RHOBTB1: variants seen among roughly 807,000 people sequenced by gnomAD.
RHOBTB1 encodes Rho related BTB domain containing 1.
A neutral mutation model predicts 71.6 loss-of-function variants in RHOBTB1; 40 were observed. The ratio of observed to expected loss-of-function variants is 0.56; its 90% CI spans 0.43 to 0.73. The LOEUF (loss-of-function observed/expected upper bound fraction) is 0.73. Among genes scored for constraint, RHOBTB1 ranks in the 30% least tolerant of loss-of-function variants. The pLI, the probability that RHOBTB1 is intolerant of heterozygous loss-of-function variation, is 0.00. For synonymous variants in RHOBTB1, 319 were observed against 334.9 expected (o/e 0.95, Z 0.52); for missense variants, 797 against 894.0 (o/e 0.89, Z 1.38).
Position 60,910,953 on chromosome 10 carries a change from C to T in RHOBTB1, c.230G>A (p.Ser77Asn). 6.2e-7 allele frequency: 1 copy of T among 1,614,154 alleles called. No individual in the cohort carries two copies. Among genetic ancestry groups the T allele is most frequent in the Non-Finnish European group, 8.5e-7 (1 of 1,180,026 alleles). ...ERSRDVVDEV[S>N]VSLRLWDTFG... Reference sequence around the variant, plus strand: ...AGTATCCCAAAGCCTGAGAGAAACACTCACTTCATCAACAACATCCCGAGA... The same window carrying T: ...AGTATCCCAAAGCCTGAGAGAAACATTCACTTCATCAACAACATCCCGAGA... Residue 77 changes from serine to asparagine, a missense_variant, in exon 4 of 11, where the codon AGT becomes AAT. Ser to Asn is a conservative substitution (Grantham distance 46). This residue lies in a region of RHOBTB1 where 139 missense variants were observed against 212.5 expected (regional missense o/e 0.65). Coordinates refer to ENST00000337910, the MANE Select transcript of RHOBTB1 (RefSeq NM_014836.5).
At chr10:60,931,349 C>T (rs753287018) in intron 2 of RHOBTB1, among the ~76,000 whole-genome samples, 7 of 152,174 alleles carry the variant, frequency 4.6e-5, no homozygotes, top group Non-Finnish European at 8.8e-5. Context: ...TTCTCGTTCT[C>T]CCCAGCTCTG....
chr10:60,989,052 AT>A (rs927878321), intron 1 of RHOBTB1, among the ~76,000 whole-genome samples: 2 of 152,186 alleles, frequency 1.3e-5, no homozygotes, highest in African/African-American at 2.4e-5. Flanking sequence ...AGATTAAAGG[AT>A]TTTTTTCAGT....
chr10:60,897,116 C>T (rs1564853763), intron 4 of RHOBTB1, among the ~76,000 whole-genome samples: 1 of 151,838 alleles, frequency 6.6e-6, no homozygotes, highest in Non-Finnish European at 1.5e-5. Flanking sequence ...AAAAAAAATC[C>T]AAAAAAAGTG....
At chr10:60,907,143 C>T (rs1393670835) in intron 4 of RHOBTB1, among the ~76,000 whole-genome samples, 5 of 152,308 alleles carry the variant, frequency 3.3e-5, no homozygotes, top group South Asian at 2.1e-4. Context: ...CCCAGCCACA[C>T]GGAACTGTGA....
chr10:60,934,719 G>A (rs1446947839), intron 2 of RHOBTB1, among the ~76,000 whole-genome samples: 1 of 152,166 alleles, frequency 6.6e-6, no homozygotes, highest in African/African-American at 2.4e-5. Flanking sequence ...TGTCCACTGT[G>A]TCTATTATTC....
chr10:60,941,222 T>TA (rs2134192492), intron 2 of RHOBTB1, among the ~76,000 whole-genome samples: 1 of 152,302 alleles, frequency 6.6e-6, no homozygotes, highest in Non-Finnish European at 1.5e-5. Context: ...AAAAACTTTT[T>TA]AAAAAATCCT....
chr10:60,934,402 C>G (rs1241835177), intron 2 of RHOBTB1, among the ~76,000 whole-genome samples: 1 of 152,144 alleles, frequency 6.6e-6, no homozygotes, highest in African/African-American at 2.4e-5. Flanking sequence ...ACCTACATAG[C>G]CCCTCAGCAT....
chr10:60,877,793 A>C, intron 8 of RHOBTB1, 115 bp downstream of exon 8: 1 of 954,660 alleles, frequency 1.0e-6, no homozygotes, highest in Non-Finnish European at 1.6e-6. Context: ...TACACAAGAC[A>C]GTCCTATTTT....
chr10:60,963,833 G>A (rs1565147874), intron 2 of RHOBTB1, among the ~76,000 whole-genome samples: 1 of 152,054 alleles, frequency 6.6e-6, no homozygotes. Flanking sequence ...CATTACCAAC[G>A]ATAGCATCTA....
At chr10:60,936,576 T>C (rs1236509554) in intron 2 of RHOBTB1, among the ~76,000 whole-genome samples, 1 of 152,226 alleles carries the variant, frequency 6.6e-6, no homozygotes, top group African/African-American at 2.4e-5. Context: ...TTATGGCCTA[T>C]TAAGCATGAA....
intron 4 of RHOBTB1, among the ~76,000 whole-genome samples, chr10:60,897,182 A>G (rs1401865506): frequency 2.0e-5 from 3 of 152,170 alleles, no homozygotes; most frequent in Non-Finnish European, 2.9e-5. Context: ...AATACCACAC[A>G]TGTTCTCAGA....
chr10:60,861,328 T>C, the RHOBTB1 span, among the ~76,000 whole-genome samples: 1 of 152,188 alleles, frequency 6.6e-6, no homozygotes, highest in Non-Finnish European at 1.5e-5. Flanking sequence ...AAATGGAATT[T>C]CTCTAGGGCC....
intron 2 of RHOBTB1, among the ~76,000 whole-genome samples, chr10:60,957,554 G>A (rs563186760): frequency 3.9e-5 from 6 of 152,126 alleles, no homozygotes; most frequent in African/African-American, 1.4e-4. Context: ...AAGCCTTACG[G>A]TCAATACAAA....
In RHOBTB1 at chr10:60,886,098, A is replaced by G. The variant is rs776388326; in HGVS notation, c.1575+14T>C. The G allele has an allele frequency of 3.2e-6, 5 of 1,580,328 alleles. No homozygotes were observed. The East Asian group carries it at 1.1e-4, about 35-fold the overall frequency. ...TTCATAAAGACACCACTATGCTTTT[A>G]GGAAGGCACGTACCTCACTGTTGGC... On this transcript the variant is annotated intron_variant, in intron 7 of 10. Coordinates refer to ENST00000337910, the MANE Select transcript of RHOBTB1 (RefSeq NM_014836.5).
chr10:60,956,661 C>CTT (rs770963951), intron 2 of RHOBTB1, among the ~76,000 whole-genome samples: 1 of 144,082 alleles, frequency 6.9e-6, no homozygotes. Context: ...ACTTTTTAGA[C>CTT]TTTTTTTTTT....
At chr10:60,921,915 G>A (rs936840869) in intron 2 of RHOBTB1, among the ~76,000 whole-genome samples, 1 of 152,142 alleles carries the variant, frequency 6.6e-6, no homozygotes, top group African/African-American at 2.4e-5. Context: ...AGTAACCATG[G>A]GAGCCACCAG....
At position 60,877,993 on chromosome 10, in the gene RHOBTB1, C is replaced by T. The variant is rs769920099; in HGVS notation, c.1641G>A (p.Gln547=). 2.0e-5 allele frequency: 32 copies of T among 1,613,404 alleles called. No individual in the cohort carries two copies. The Admixed American group carries it at 2.7e-4, about 13-fold the overall frequency. The change falls in exon 8 of 11, where the codon CAG becomes CAA. Residue 547 remains glutamine, a synonymous_variant. Transcript: ENST00000337910. ...GGTCCAGATCCAAGTTAGGAGACAA[C>T]TGCTTGGTATAGAGATAATCCAATA... ...QAVLDYLYTK[Q]LSPNLDLDPL... is the part of the protein sequence containing the mutation.
At chr10:60,900,432 C>T (rs1428397710) in intron 4 of RHOBTB1, among the ~76,000 whole-genome samples, 3 of 152,214 alleles carry the variant, frequency 2.0e-5, no homozygotes, top group South Asian at 2.1e-4. Context: ...TAAGCTTTTT[C>T]GTGAGCTATT....
upstream of RHOBTB1, among the ~76,000 whole-genome samples, chr10:60,948,731 A>G (rs1191309127): frequency 6.6e-6 from 1 of 152,234 alleles, no homozygotes; most frequent in Non-Finnish European, 1.5e-5. Context: ...AGTGTTTGGT[A>G]GAAAGGTATA....
Sources: gnomAD v4.1 joint callset for allele counts (sites outside exome capture counted in the v4.1 genomes callset) on GRCh38, gnomAD v4.1.1 for gene constraint, gnomAD v4.1.1 regional missense constraint, MANE v1.5 for transcripts, NCBI Gene and HGNC (gene_info 2026-07-23, HGNC 2026-07-21) for gene names.